Variants in IBTK observed in about 807,000 individuals in gnomAD.
IBTK encodes the protein BTK-binding protein.
Under a neutral mutation model 154.9 loss-of-function variants are expected in IBTK, and 83 were observed. The ratio of observed to expected loss-of-function variants is 0.54; its 90% CI spans 0.45 to 0.64. The LOEUF (loss-of-function observed/expected upper bound fraction) is 0.64, where lower values mean the gene tolerates loss of function less well. Among genes scored for constraint, IBTK ranks in the 30% least tolerant of loss-of-function variants. The pLI is 0.00. For missense variants in IBTK, 1,332 were observed against 1,584.6 expected (o/e 0.84, Z 2.71); for synonymous variants, 515 against 536.1 (o/e 0.96, Z 0.54).
rs1367618857 is a variant in IBTK at position 82,240,450 on chromosome 6, G to A, written c.37C>T (p.Arg13Ter). The A allele has an allele frequency of 3.7e-6, 6 of 1,613,704 alleles. No individual in the cohort carries two copies. Among genetic ancestry groups the A allele is most frequent in the Admixed American group, 1.7e-5 (1 of 60,000 alleles). Reference sequence around the variant, plus strand: ...ACATCCAAAGCATGCTTCAGGGATCGACACTTTGATGTGCAGTCAGGCATG... The same window carrying A: ...ACATCCAAAGCATGCTTCAGGGATCAACACTTTGATGTGCAGTCAGGCATG... ...SPMPDCTSKC[R>*]SLKHALDVLS... The change falls in exon 2 of 29, where the codon CGA becomes TGA. Residue 13 changes from arginine to a stop codon, truncating the protein, a stop_gained. Coordinates refer to ENST00000306270, the MANE Select transcript of IBTK (RefSeq NM_015525.4). LOFTEE classifies it high-confidence loss of function.
At chr6:82,223,111 T>C (rs1770159378) in intron 8 of IBTK, among the ~76,000 whole-genome samples, 1 of 152,000 alleles carries the variant, frequency 6.6e-6, no homozygotes, top group Non-Finnish European at 1.5e-5. Context: ...CAGGAACCAA[T>C]GATGAGAGTG....
intron 23 of IBTK, among the ~76,000 whole-genome samples, chr6:82,194,113 C>A (rs751166971): frequency 2.0e-5 from 3 of 152,066 alleles, no homozygotes; most frequent in Non-Finnish European, 2.9e-5. Flanking sequence ...ATTTTAAATA[C>A]CCCTTCACAT....
chr6:82,212,070 C>T (rs1284451973), intron 13 of IBTK, among the ~76,000 whole-genome samples: 1 of 152,116 alleles, frequency 6.6e-6, no homozygotes, highest in African/African-American at 2.4e-5. Flanking sequence ...TCTTGTCTCA[C>T]TGCAACCTCC....
At chr6:82,231,614 C>T (rs1283012355) in intron 4 of IBTK, 104 bp downstream of exon 4, 1 of 754,966 alleles carries the variant, frequency 1.3e-6, no homozygotes, top group Non-Finnish European at 2.0e-6. Context: ...TAAAATGTTA[C>T]TGTACCTGAA....
In IBTK at chr6:82,171,361, C is replaced by T. The variant is rs983483165; in HGVS notation, c.*64G>A. The T allele has an allele frequency of 7.1e-7, 1 of 1,410,888 alleles. No individual in the cohort carries two copies. 87.4% of individuals were successfully genotyped at this position (1,410,888 alleles called of 1,614,324 possible). On this transcript the variant is annotated 3_prime_UTR_variant, in exon 29 of 29. Transcript: ENST00000306270. ...TTACAAAATCTCTAAGACTCTTTTC[C>T]ACAGCTTTTCTTTATATGAACAAAC...
chr6:82,224,294 C>G (rs543701109), intron 6 of IBTK, 109 bp from the exon 7 acceptor site: 4 of 764,198 alleles, frequency 5.2e-6, no homozygotes, highest in Non-Finnish European at 9.0e-6. Flanking sequence ...TGTTAGTGGT[C>G]CACTCAAGTG....
chr6:82,189,786 T>C (rs892531735), intron 25 of IBTK, among the ~76,000 whole-genome samples: 1 of 152,242 alleles, frequency 6.6e-6, no homozygotes, highest in Non-Finnish European at 1.5e-5. Flanking sequence ...ACAGCTATAT[T>C]ACCAAGTCCA....
chr6:82,225,877 A>G (rs1410688136), intron 5 of IBTK, among the ~76,000 whole-genome samples: 1 of 152,204 alleles, frequency 6.6e-6, no homozygotes, highest in East Asian at 1.9e-4. Context: ...CAGTGAAATA[A>G]TTCAATTCAA....
intron 6 of IBTK, among the ~76,000 whole-genome samples, chr6:82,225,039 C>G (rs150917594): frequency 6.6e-6 from 1 of 152,082 alleles, no homozygotes; most frequent in Non-Finnish European, 1.5e-5. Context: ...GTGGCTCACA[C>G]CTGTAATCCC....
intron 5 of IBTK, among the ~76,000 whole-genome samples, chr6:82,226,379 C>CA (rs1770298336): frequency 6.6e-6 from 1 of 152,186 alleles, no homozygotes; most frequent in Non-Finnish European, 1.5e-5. Flanking sequence ...GAAGTCCCCA[C>CA]AAAAAACATC....
Position 82,214,713 on chromosome 6 carries a change from CTA to C in IBTK, c.1716_1717del (p.Asn572LysfsTer7), listed in dbSNP as rs1769802252. The C allele has an allele frequency of 6.2e-7, 1 of 1,613,908 alleles. No homozygotes were observed. The highest frequency in any genetic ancestry group is 8.5e-7 in the Non-Finnish European group (1 of 1,180,004). On this transcript the variant is annotated frameshift_variant, in exon 12 of 29. Transcript: ENST00000306270. LOFTEE classifies it high-confidence loss of function. ...AATATATTTATGTGCAGGGAAGAGT[CTA>C]TTGCCAACTTGAAATGTCACATCAT...
Position 82,240,568 on chromosome 6 carries a change from T to C in IBTK, c.-82A>G, listed in dbSNP as rs763002917. 9 of 1,127,340 alleles carry C rather than the reference T, an allele frequency of 8.0e-6. No homozygotes were observed. Among genetic ancestry groups the C allele is most frequent in the Non-Finnish European group, 8.9e-6 (7 of 786,646 alleles). The allele number at this position is 1,127,340 out of a possible 1,614,324, so 69.8% of individuals were successfully genotyped here. A position where few individuals can be genotyped will look rare whatever the true frequency, so the allele number is the denominator to read the frequency against. ...AAAAAGCCAGGACACAAAGGTGCTA[T>C]TGAGGAAGTTACAGAGAATAAATTA... is the stretch of plus-strand genomic sequence containing the variant. On this transcript the variant is annotated 5_prime_UTR_variant, in exon 2 of 29. Coordinates refer to ENST00000306270, the MANE Select transcript of IBTK (RefSeq NM_015525.4).
Position 82,182,030 on chromosome 6 carries a change from T to C in IBTK, c.3576-2A>G, listed in dbSNP as rs1768341437. On this transcript the variant is annotated splice_acceptor_variant, in intron 25 of 28. Transcript: ENST00000306270. LOFTEE classifies it high-confidence loss of function. ...GAAACTGAATGCAGAGAAGATGCCC[T>C]GCAAAAGAAAGCAAAGATCATGTTA... The C allele has an allele frequency of 1.3e-6, 2 of 1,588,278 alleles. No individual in the cohort carries two copies. Among genetic ancestry groups the C allele is most frequent in the Admixed American group, 3.9e-5 (2 of 50,758 alleles).
At chr6:82,207,153 A>G (rs1769445578) in intron 16 of IBTK, among the ~76,000 whole-genome samples, 1 of 152,136 alleles carries the variant, frequency 6.6e-6, no homozygotes, top group African/African-American at 2.4e-5. Context: ...AACCATCTCT[A>G]TTTGCAGATG....
Position 82,202,657 on chromosome 6 carries a change from GAAAA to G in IBTK, c.2612-16_2612-13del. The stretch of plus-strand genomic sequence containing the variant: ...ATTCTTCAGGGTAACTACAAAGAAA[GAAAA>G]GATTTGCAAAATTAGATAAAAGGCA... On this transcript the variant is annotated splice_polypyrimidine_tract_variant and intron_variant, in intron 17 of 28. Coordinates refer to ENST00000306270, the MANE Select transcript of IBTK (RefSeq NM_015525.4). 4 of 1,461,318 alleles carry G rather than the reference GAAAA, an allele frequency of 2.7e-6. No homozygotes were observed. The highest frequency in any genetic ancestry group is 3.8e-6 in the Non-Finnish European group (4 of 1,066,210). 90.5% of individuals were successfully genotyped at this position (1,461,318 alleles called of 1,614,324 possible). A position where few individuals can be genotyped will look rare whatever the true frequency, so the allele number is the denominator to read the frequency against.
chr6:82,187,693 G>A (rs1324395277), intron 25 of IBTK, among the ~76,000 whole-genome samples: 2 of 152,248 alleles, frequency 1.3e-5, no homozygotes, highest in East Asian at 3.9e-4. Context: ...GGCATATACT[G>A]GAGACAGAGT....
chr6:82,188,826 T>C (rs992055802), intron 25 of IBTK, among the ~76,000 whole-genome samples: 3 of 152,094 alleles, frequency 2.0e-5, no homozygotes, highest in Admixed American at 6.6e-5. Context: ...GGTCAGGAGT[T>C]CGAGACCAGC....
intron 20 of IBTK, 56 bp downstream of exon 20, chr6:82,200,531 T>C: frequency 7.2e-7 from 1 of 1,386,948 alleles, no homozygotes; most frequent in Non-Finnish European, 9.6e-7. Flanking sequence ...AGGGACACAC[T>C]GGAGAAAAGA....
chr6:82,200,780 T>G (rs941676903), intron 19 of IBTK, 72 bp from the exon 20 acceptor site: 1 of 1,332,028 alleles, frequency 7.5e-7, no homozygotes. Context: ...TTTTTTTTTT[T>G]TGTGCACACG....
Sources: allele counts gnomAD v4.1 joint callset (sites outside exome capture counted in the v4.1 genomes callset), GRCh38; gene constraint gnomAD v4.1.1; transcripts MANE v1.5; gene names NCBI Gene and HGNC (gene_info 2026-07-23, HGNC 2026-07-21).